CMIP: variants seen among roughly 807,000 people sequenced by gnomAD.
The protein encoded by CMIP is C-Maf-inducing protein.
A neutral mutation model predicts 97.3 loss-of-function variants in CMIP; 13 were observed. The observed-to-expected ratio is 0.13, with a 90% confidence interval of 0.09 to 0.21. The LOEUF (loss-of-function observed/expected upper bound fraction) is 0.21, where lower values mean the gene tolerates loss of function less well. Among genes scored for constraint, CMIP ranks in the 10% least tolerant of loss-of-function variants. The pLI, the probability that CMIP is intolerant of heterozygous loss-of-function variation, is 1.00. For synonymous variants in CMIP, 538 were observed against 436.3 expected, an observed-to-expected ratio of 1.23 and a Z score of -2.91; for missense variants, 847 against 1,024.9, an observed-to-expected ratio of 0.83 and a Z score of 2.37.
intron 6 of CMIP, among the ~76,000 whole-genome samples, chr16:81,663,164 C>A (rs1048038822): frequency 6.6e-6 from 1 of 151,980 alleles, no homozygotes; most frequent in Non-Finnish European, 1.5e-5. Context: ...TTCAACACAC[C>A]TGTCCACACA....
intron 9 of CMIP, among the ~76,000 whole-genome samples, chr16:81,676,167 C>T (rs1327279147): frequency 6.6e-6 from 1 of 152,176 alleles, no homozygotes; most frequent in Non-Finnish European, 1.5e-5. Flanking sequence ...GTGCCTGCTG[C>T]CTCGTGCCAG....
intron 1 of CMIP, among the ~76,000 whole-genome samples, chr16:81,458,975 A>T (rs1161979626): frequency 6.6e-6 from 1 of 152,202 alleles, no homozygotes; most frequent in Middle Eastern, 3.4e-3. Flanking sequence ...CATTACTGTC[A>T]TCTCCGCTGT....
chr16:81,670,075 C>T (rs1431002919), intron 7 of CMIP, 67 bp from the exon 8 acceptor site: 4 of 1,478,302 alleles, frequency 2.7e-6, no homozygotes, highest in Non-Finnish European at 3.7e-6. Context: ...TTTCTGGTGT[C>T]CTGGCTGCCC....
At chr16:81,632,312 A>T (rs2092173653) in intron 3 of CMIP, among the ~76,000 whole-genome samples, 1 of 152,176 alleles carries the variant, frequency 6.6e-6, no homozygotes, top group Non-Finnish European at 1.5e-5. Context: ...CTTCAAGTCC[A>T]TTTTCCCCTA....
intron 1 of CMIP, among the ~76,000 whole-genome samples, chr16:81,457,143 A>C (rs1418570553): frequency 6.6e-6 from 1 of 151,406 alleles, no homozygotes; most frequent in Non-Finnish European, 1.5e-5. Flanking sequence ...CCTTTGGCAC[A>C]CGCCTCTTCT....
intron 1 of CMIP, among the ~76,000 whole-genome samples, chr16:81,535,533 G>C (rs865985429): frequency 7.8e-4 from 117 of 149,060 alleles, no homozygotes; most frequent in African/African-American, 2.8e-3. Flanking sequence ...GTCAGAAAAA[G>C]CTGCATGAAG....
chr16:81,510,388 T>C (rs2927306), intron 1 of CMIP, among the ~76,000 whole-genome samples: 2,777 of 152,316 alleles, frequency 0.018, 89 homozygotes, highest in African/African-American at 0.063. Context: ...GTAGTGTTAT[T>C]ACCACCTAAC....
At chr16:81,459,394 G>A (rs1476528417) in intron 1 of CMIP, among the ~76,000 whole-genome samples, 2 of 152,070 alleles carry the variant, frequency 1.3e-5, no homozygotes, top group Non-Finnish European at 2.9e-5. Context: ...ACCCTGCTCC[G>A]TGACCTCGCT....
At chr16:81,684,867 G>A (rs1317942592) in intron 10 of CMIP, among the ~76,000 whole-genome samples, 1 of 152,172 alleles carries the variant, frequency 6.6e-6, no homozygotes, top group Non-Finnish European at 1.5e-5. Context: ...CCTGCCTGGT[G>A]CCTGTCCTCC....
At chr16:81,615,763 TTGTG>T (rs2091909745) in intron 2 of CMIP, among the ~76,000 whole-genome samples, 1 of 151,808 alleles carries the variant, frequency 6.6e-6, no homozygotes, top group African/African-American at 2.4e-5. Flanking sequence ...GTATGTGTCT[TTGTG>T]TGTGTGCATA....
At chr16:81,473,552 G>A (rs931545283) in intron 1 of CMIP, among the ~76,000 whole-genome samples, 4 of 148,758 alleles carry the variant, frequency 2.7e-5, no homozygotes, top group African/African-American at 1.0e-4. Flanking sequence ...GTAAGAATTA[G>A]CAGTTCCTGT....
chr16:81,710,795 C>T lies in CMIP; in HGVS notation c.*996C>T, dbSNP rs923471065. The T allele has an allele frequency of 6.6e-5, 10 of 152,114 alleles. No individual in the cohort carries two copies. Among genetic ancestry groups the T allele is most frequent in the East Asian group, 3.9e-4 (2 of 5,176 alleles). The allele number at this position is 152,114 out of a possible 1,614,324, so 9.4% of individuals were successfully genotyped here. A position where few individuals can be genotyped will look rare whatever the true frequency, so the allele number is the denominator to read the frequency against. Reference sequence around the variant, plus strand: ...AGACTTGAATGGGAGGCTGCTAACCCGCCCTCTCCAGTCCACCCCGGTAAA... The same window carrying T: ...AGACTTGAATGGGAGGCTGCTAACCTGCCCTCTCCAGTCCACCCCGGTAAA... On this transcript the variant is annotated 3_prime_UTR_variant, in exon 21 of 21. Transcript: ENST00000537098.
Position 81,445,209 on chromosome 16 carries a change from T to TGC in CMIP, c.-33_-32insGC. ...CCCAGCAGCCCAGGACAGCCCCCTC[T>TGC]CCCCGCCCCCAGCCCCCTCCCCCGG... On this transcript the variant is annotated 5_prime_UTR_variant, in exon 1 of 21. Transcript: ENST00000537098. The TGC allele has an allele frequency of 1.5e-6, 2 of 1,356,820 alleles. No homozygotes were observed. The allele number at this position is 1,356,820 out of a possible 1,614,324, so 84.0% of individuals were successfully genotyped here. A position where few individuals can be genotyped will look rare whatever the true frequency, so the allele number is the denominator to read the frequency against.
At chr16:81,522,040 AT>A (rs1267425755) in intron 1 of CMIP, among the ~76,000 whole-genome samples, 1 of 152,230 alleles carries the variant, frequency 6.6e-6, no homozygotes, top group Non-Finnish European at 1.5e-5. Context: ...TAAATCTGAT[AT>A]TTAGGAGCCA....
intron 1 of CMIP, among the ~76,000 whole-genome samples, chr16:81,503,491 G>A (rs1288146045): frequency 2.0e-5 from 3 of 152,092 alleles, no homozygotes; most frequent in Non-Finnish European, 4.4e-5. Flanking sequence ...TGACCCCCCA[G>A]GCTCAAGCCA....
chr16:81,561,646 G>GCAGTGGCAGCCA (rs1189492415), intron 1 of CMIP, among the ~76,000 whole-genome samples: 1 of 152,162 alleles, frequency 6.6e-6, no homozygotes, highest in Non-Finnish European at 1.5e-5. Flanking sequence ...GGAGTGGAGA[G>GCAGTGGCAGCCA]CTTTGGAAGG....
At chr16:81,461,639 T>C (rs150628079) in intron 1 of CMIP, among the ~76,000 whole-genome samples, 123 of 152,338 alleles carry the variant, frequency 8.1e-4, no homozygotes, top group African/African-American at 2.8e-3. Context: ...TGGGATTTTT[T>C]TGAAGCCTTC....
At position 81,652,253 on chromosome 16, in the gene CMIP, A is replaced by G. The variant is rs1215924083; in HGVS notation, c.528A>G (p.Glu176=). The change falls in exon 4 of 21, where the codon GAA becomes GAG. Residue 176 remains glutamate (E), a synonymous_variant. Transcript: ENST00000537098. This position sits in a 1 kb window ranked among gnomAD's most constrained non-coding sequence, Gnocchi z 5.2. Reference sequence around the variant, plus strand: ...TGCTGAGTAACCCAAGCCGCTGGGAAGTTGTCTTGAAAGAGATCCGGACCC... The same window carrying G: ...TGCTGAGTAACCCAAGCCGCTGGGAGGTTGTCTTGAAAGAGATCCGGACCC... ...KKVLSNPSRW[E]VVLKEIRTLV... is the part of the protein sequence containing the mutation. The G allele has an allele frequency of 6.2e-7, 1 of 1,613,690 alleles. No individual in the cohort carries two copies. Among genetic ancestry groups the G allele is most frequent in the Non-Finnish European group, 8.5e-7 (1 of 1,179,622 alleles).
chr16:81,671,690 TAGG>T (rs1159274024), intron 8 of CMIP, among the ~76,000 whole-genome samples: 2 of 152,160 alleles, frequency 1.3e-5, no homozygotes, highest in African/African-American at 2.4e-5. Context: ...GTGGAGAGTT[TAGG>T]AGGTTTCCAA....
Sources: gnomAD v4.1 joint callset for allele counts (sites outside exome capture counted in the v4.1 genomes callset) on GRCh38, gnomAD v4.1.1 for gene constraint, Gnocchi (gnomAD v3.1) non-coding constraint, MANE v1.5 for transcripts, NCBI Gene and HGNC (gene_info 2026-07-23, HGNC 2026-07-21) for gene names.